CDYL: variants seen among roughly 807,000 people sequenced by gnomAD.
The protein encoded by CDYL is chromodomain Y-like protein.
In CDYL, 8 loss-of-function variants were observed where a neutral mutation model predicts 47.3. The observed-to-expected ratio is 0.17, with a 90% CI of 0.10 to 0.31. CDYL has a LOEUF of 0.31. Ranked by LOEUF, CDYL falls within the 10% of genes least tolerant of loss-of-function variation. CDYL has a pLI of 1.00. For missense variants in CDYL, 471 were observed against 701.4 expected (o/e 0.67, Z 3.71); for synonymous variants, 266 against 265.0 (o/e 1.00, Z -0.04).
chr6:4,909,620 A>AG (rs1757346084), intron 2 of CDYL, among the ~76,000 whole-genome samples: 1 of 152,082 alleles, frequency 6.6e-6, no homozygotes, highest in Non-Finnish European at 1.5e-5. Flanking sequence ...CCCAAGCTGG[A>AG]GTGCAGTAGC....
chr6:4,915,635 A>G (rs571693351), intron 2 of CDYL, among the ~76,000 whole-genome samples: 1 of 152,350 alleles, frequency 6.6e-6, no homozygotes, highest in African/African-American at 2.4e-5. Context: ...TGAGTCAGGT[A>G]GAGCATCACA....
chr6:4,811,608 C>CT (rs397975784), intron 1 of CDYL, among the ~76,000 whole-genome samples: 10,698 of 126,684 alleles, frequency 0.084, 528 homozygotes, highest in South Asian at 0.15. Context: ...TGACATTATT[C>CT]TTTTTTTTTT....
intron 1 of CDYL, among the ~76,000 whole-genome samples, chr6:4,835,880 G>A (rs1404306344): frequency 6.6e-6 from 1 of 152,224 alleles, no homozygotes; most frequent in Non-Finnish European, 1.5e-5. Context: ...GACCCTCCGA[G>A]CCAGGTGCGG....
At position 4,954,001 on chromosome 6, in the gene CDYL, C is replaced by T. The variant is rs768866066; in HGVS notation, c.1580C>T (p.Ala527Val). Residue 527 changes from alanine to valine, a missense_variant, in exon 7 of 7, where the codon GCC (alanine) becomes GTC (valine). Around this residue, in one of 3 missense-constraint regions of CDYL, gnomAD observed 57 missense variants for 74.3 expected, o/e 0.77. Coordinates refer to ENST00000397588, the MANE Select transcript of CDYL (RefSeq NM_004824.4). ...GTGCTGAAGAAAATCTGGGGCTCGG[C>T]CCAGGGGATGGACTCCATGTTAAAG... ...CEVLKKIWGS[A>V]QGMDSMLKYL... 7 of 1,613,976 alleles carry T rather than the reference C, an allele frequency of 4.3e-6. No homozygotes were observed. The Admixed American group carries it at 1.2e-4, about 27-fold the overall frequency.
chr6:4,828,054 C>G (rs1760027726), intron 1 of CDYL, among the ~76,000 whole-genome samples: 1 of 152,172 alleles, frequency 6.6e-6, no homozygotes, highest in African/African-American at 2.4e-5. Context: ...TTTACCATTA[C>G]CAGAGAGCTT....
At chr6:4,908,672 C>T (rs1242135886) in intron 2 of CDYL, among the ~76,000 whole-genome samples, 1 of 152,202 alleles carries the variant, frequency 6.6e-6, no homozygotes, top group Non-Finnish European at 1.5e-5. Flanking sequence ...TTACGTCTCT[C>T]TTTCCCCATT....
In CDYL at chr6:4,954,125, C is replaced by G; in HGVS notation, c.*69C>G. On this transcript the variant is annotated 3_prime_UTR_variant, in exon 7 of 7. Coordinates refer to ENST00000397588, the MANE Select transcript of CDYL (RefSeq NM_004824.4). ...GAGAACATCACCGGCTCCAGTTCCC[C>G]TGATCCATTCTCACAGCCTGAAACA... is the stretch of plus-strand genomic sequence containing the variant. The G allele has an allele frequency of 6.6e-7, 1 of 1,506,520 alleles. No individual in the cohort carries two copies. The highest frequency in any genetic ancestry group is 9.0e-7 in the Non-Finnish European group (1 of 1,111,606). 93.3% of individuals were successfully genotyped at this position (1,506,520 alleles called of 1,614,324 possible). A position where few individuals can be genotyped will look rare whatever the true frequency, so the allele number is the denominator to read the frequency against.
intron 2 of CDYL, among the ~76,000 whole-genome samples, chr6:4,931,530 C>T (rs1399521153): frequency 2.6e-5 from 4 of 152,020 alleles, no homozygotes; most frequent in African/African-American, 9.7e-5. Flanking sequence ...ATGAGAACCC[C>T]GGGTGATGTG....
chr6:4,950,735 T>C (rs11754469), intron 5 of CDYL, among the ~76,000 whole-genome samples: 14,735 of 152,058 alleles, frequency 0.097, 840 homozygotes, highest in Non-Finnish European at 0.13. Context: ...GAGACCATCC[T>C]GGCTAACACA....
At chr6:4,742,837 T>C (rs954743155) in intron 3 of CDYL, among the ~76,000 whole-genome samples, 4 of 152,246 alleles carry the variant, frequency 2.6e-5, no homozygotes, top group Non-Finnish European at 5.9e-5. Flanking sequence ...TAGGATCATC[T>C]TGAAGCTGCA....
At chr6:4,848,015 C>A (rs1006936579) in intron 1 of CDYL, among the ~76,000 whole-genome samples, 1 of 152,208 alleles carries the variant, frequency 6.6e-6, no homozygotes, top group African/African-American at 2.4e-5. Flanking sequence ...AAATTAAGAA[C>A]TGCTGGCAAC....
At chr6:4,925,679 GT>G (rs1478059944) in intron 2 of CDYL, among the ~76,000 whole-genome samples, 3 of 152,114 alleles carry the variant, frequency 2.0e-5, no homozygotes, top group Non-Finnish European at 2.9e-5. Context: ...GCCTCCTAAA[GT>G]GCTGGGAACA....
At chr6:4,938,336 A>G (rs4960052) in intron 4 of CDYL, among the ~76,000 whole-genome samples, 136,110 of 152,046 alleles carry the variant, frequency 0.9, 61,144 homozygotes, top group East Asian at 0.96. Context: ...AATAAAAAGC[A>G]GAAGTCCTCC....
chr6:4,861,462 C>T (rs1378200430), intron 1 of CDYL, among the ~76,000 whole-genome samples: 1 of 152,184 alleles, frequency 6.6e-6, no homozygotes, highest in African/African-American at 2.4e-5. Context: ...CACTTCCCCG[C>T]ATCAGATGTT....
At chr6:4,752,320 C>T (rs1758008909) in intron 3 of CDYL, among the ~76,000 whole-genome samples, 1 of 152,130 alleles carries the variant, frequency 6.6e-6, no homozygotes, top group East Asian at 1.9e-4. Flanking sequence ...TTGTGAGTGC[C>T]TCCAAATAAA....
At position 4,935,579 on chromosome 6, in the gene CDYL, A is replaced by G. The variant is rs752600529; in HGVS notation, c.756A>G (p.Thr252=). 25 of 1,614,228 alleles carry G rather than the reference A, an allele frequency of 1.5e-5. No individual in the cohort carries two copies. The highest frequency in any genetic ancestry group is 2.2e-5 in the East Asian group (1 of 44,876). Residue 252 remains threonine (T), a synonymous_variant, in exon 3 of 7, where the codon ACA becomes ACG. Transcript: ENST00000397588. ...CAACCAACATACAGACATCTGTTACAGGAGTGACTGCCAGCAAAAGGAAAT... is the reference window on the plus strand; with the variant it reads ...CAACCAACATACAGACATCTGTTACGGGAGTGACTGCCAGCAAAAGGAAAT... The part of the protein sequence containing the change: ...NGTTNIQTSV[T]GVTASKRKFI...
intron 3 of CDYL, among the ~76,000 whole-genome samples, chr6:4,767,277 A>G (rs1758269606): frequency 6.6e-6 from 1 of 151,908 alleles, no homozygotes; most frequent in African/African-American, 2.4e-5. Flanking sequence ...AAAAAAGTTT[A>G]GAAAACTAGG....
chr6:4,734,763 G>C, exon 3 of CDYL: 3 of 1,614,134 alleles, frequency 1.9e-6, no homozygotes, highest in Non-Finnish European at 2.5e-6. Context: ...CTGTGCTAGT[G>C]TCAGCACCAG....
At chr6:4,847,408 G>A (rs1233936127) in intron 1 of CDYL, among the ~76,000 whole-genome samples, 1 of 152,106 alleles carries the variant, frequency 6.6e-6, no homozygotes. Context: ...ACATCTTTCT[G>A]TTGAAATTAA....
Sources: gnomAD v4.1 joint callset for allele counts (sites outside exome capture counted in the v4.1 genomes callset) on GRCh38, gnomAD v4.1.1 for gene constraint, gnomAD v4.1.1 regional missense constraint, MANE v1.5 for transcripts, NCBI Gene and HGNC (gene_info 2026-07-23, HGNC 2026-07-21) for gene names.